Variants in PGCKA1 observed in about 807,000 individuals in gnomAD.
The protein encoded by PGCKA1 is PDCD10 and GCKIII kinases-associated protein 1.
the PGCKA1 span, among the ~76,000 whole-genome samples, chr4:37,482,288 A>G: frequency 1.3e-5 from 2 of 152,186 alleles, no homozygotes; most frequent in Non-Finnish European, 2.9e-5. Context: ...CTTCCTAGAG[A>G]TTTGTTGAAT....
At chr4:37,590,719 C>A in the PGCKA1 span, 1 of 1,614,096 alleles carries the variant, frequency 6.2e-7, no homozygotes, top group South Asian at 1.1e-5. Flanking sequence ...GGGAATTCAG[C>A]CCCCAGTGGG....
chr4:37,493,370 C>A, the PGCKA1 span, among the ~76,000 whole-genome samples: 2 of 152,078 alleles, frequency 1.3e-5, no homozygotes, highest in Non-Finnish European at 2.9e-5. Context: ...TTTGTGAACA[C>A]AAATTTTTCT....
chr4:37,514,998 T>A, the PGCKA1 span, among the ~76,000 whole-genome samples: 2 of 152,214 alleles, frequency 1.3e-5, no homozygotes, highest in Admixed American at 1.3e-4. Flanking sequence ...ACACTTCGTG[T>A]CACTTTTGCC....
chr4:37,498,328 C>A, the PGCKA1 span, among the ~76,000 whole-genome samples: 1 of 152,082 alleles, frequency 6.6e-6, no homozygotes, highest in Non-Finnish European at 1.5e-5. Flanking sequence ...AGTTTCAAAT[C>A]AAGTAGTGTG....
chr4:37,554,567 C>T, the PGCKA1 span, among the ~76,000 whole-genome samples: 1 of 152,138 alleles, frequency 6.6e-6, no homozygotes, highest in African/African-American at 2.4e-5. Flanking sequence ...AGGCTAGTCT[C>T]GAACTTCTGA....
the PGCKA1 span, among the ~76,000 whole-genome samples, chr4:37,471,977 T>G: frequency 6.6e-6 from 1 of 152,212 alleles, no homozygotes; most frequent in Non-Finnish European, 1.5e-5. Flanking sequence ...CTAGGATTTC[T>G]TCTCTTATTT....
the PGCKA1 span, among the ~76,000 whole-genome samples, chr4:37,536,213 G>A: frequency 2.8e-4 from 43 of 152,094 alleles, no homozygotes; most frequent in Admixed American, 1.4e-3. Context: ...GGGGCACAGC[G>A]GGCCAAAAGC....
At chr4:37,567,159 C>CA in the PGCKA1 span, among the ~76,000 whole-genome samples, 15 of 152,182 alleles carry the variant, frequency 9.9e-5, no homozygotes, top group African/African-American at 3.4e-4. Context: ...ATAATACCTT[C>CA]ACTATCCTAC....
the PGCKA1 span, among the ~76,000 whole-genome samples, chr4:37,472,571 G>A: frequency 6.6e-6 from 1 of 152,032 alleles, no homozygotes; most frequent in Non-Finnish European, 1.5e-5. Context: ...TCCCATTCCA[G>A]TTCACTCAAC....
the PGCKA1 span, among the ~76,000 whole-genome samples, chr4:37,503,490 C>A: frequency 3.3e-5 from 5 of 152,194 alleles, no homozygotes. Context: ...TCCTCAGATT[C>A]TGGGAGCAAC....
At chr4:37,466,727 T>C in the PGCKA1 span, among the ~76,000 whole-genome samples, 1 of 152,298 alleles carries the variant, frequency 6.6e-6, no homozygotes, top group African/African-American at 2.4e-5. Flanking sequence ...GGTGTCAAGA[T>C]TGAATATTAG....
At chr4:37,592,064 C>T in the PGCKA1 span, among the ~76,000 whole-genome samples, 38 of 151,924 alleles carry the variant, frequency 2.5e-4, 1 homozygote, top group Admixed American at 1.7e-3. Flanking sequence ...AAAAATTATC[C>T]GGGCACGGTG....
chr4:37,563,408 A>G, the PGCKA1 span, among the ~76,000 whole-genome samples: 1 of 152,094 alleles, frequency 6.6e-6, no homozygotes, highest in African/African-American at 2.4e-5. Context: ...CACCAGCACC[A>G]TTCGCTTTCG....
At chr4:37,552,941 T>A in the PGCKA1 span, among the ~76,000 whole-genome samples, 9 of 152,366 alleles carry the variant, frequency 5.9e-5, no homozygotes, top group Admixed American at 5.9e-4. Flanking sequence ...CTCTCCATTG[T>A]CTTTCACACA....
the PGCKA1 span, among the ~76,000 whole-genome samples, chr4:37,526,713 T>C: frequency 1.3e-5 from 2 of 152,232 alleles, no homozygotes; most frequent in Non-Finnish European, 2.9e-5. Context: ...GTTGTAAACA[T>C]ACCTGCCGCA....
At chr4:37,588,607 G>A in the PGCKA1 span, 1 of 463,726 alleles carries the variant, frequency 2.2e-6, no homozygotes. Context: ...CCCAGGGTTG[G>A]GAGAAAGGTC....
the PGCKA1 span, among the ~76,000 whole-genome samples, chr4:37,533,085 C>T: frequency 9.1e-6 from 1 of 109,568 alleles, no homozygotes; most frequent in Non-Finnish European, 2.1e-5. Flanking sequence ...ACCACCTGTA[C>T]ACCCAATAGC....
the PGCKA1 span, among the ~76,000 whole-genome samples, chr4:37,519,650 G>A: frequency 2.0e-5 from 3 of 152,112 alleles, no homozygotes; most frequent in Non-Finnish European, 4.4e-5. Flanking sequence ...TATCAGTTCT[G>A]ATAGTTTCCT....
chr4:37,574,455 T>C, the PGCKA1 span, among the ~76,000 whole-genome samples: 1 of 152,170 alleles, frequency 6.6e-6, no homozygotes, highest in Non-Finnish European at 1.5e-5. Flanking sequence ...TTTTAAGTTT[T>C]TAAAATTATT....
Sources: gnomAD v4.1 joint callset for allele counts (sites outside exome capture counted in the v4.1 genomes callset) on GRCh38, gnomAD v4.1.1 for gene constraint, MANE v1.5 for transcripts, NCBI Gene and HGNC (gene_info 2026-07-23, HGNC 2026-07-21) for gene names.